The following TPRA1 variants were observed in gnomAD, a reference collection of about 807,000 sequenced individuals.
TPRA1 encodes transmembrane protein adipocyte-associated 1.
TPRA1 carries 28 observed loss-of-function variants against 40.1 expected under a neutral mutation model. That is an observed-to-expected ratio of 0.70 (90% CI 0.52 to 0.96). TPRA1 has a LOEUF of 0.96. Among genes scored for constraint, TPRA1 ranks in the 40% least tolerant of loss-of-function variants. The pLI, the probability that TPRA1 is intolerant of heterozygous loss-of-function variation, is 0.00. For missense variants in TPRA1, 441 were observed against 482.6 expected (o/e 0.91, Z 0.81); for synonymous variants, 219 against 209.7 (o/e 1.04, Z -0.38).
At chr3:127,579,165 T>G (rs2073745954) in intron 3 of TPRA1, among the ~76,000 whole-genome samples, 1 of 152,198 alleles carries the variant, frequency 6.6e-6, no homozygotes, top group Non-Finnish European at 1.5e-5. Flanking sequence ...CACCAAGTGG[T>G]GACAATGCAG....
At chr3:127,583,315 G>GAA (rs775630228) in intron 1 of TPRA1, among the ~76,000 whole-genome samples, 1 of 137,154 alleles carries the variant, frequency 7.3e-6, no homozygotes, top group Non-Finnish European at 1.6e-5. Context: ...CTCCATCTCA[G>GAA]AAAAAAAAAA....
Position 127,580,120 on chromosome 3 carries a change from C to T in TPRA1, c.27G>A (p.Trp9Ter), listed in dbSNP as rs771475085. 3 of 1,613,476 alleles carry T rather than the reference C, an allele frequency of 1.9e-6. No individual in the cohort carries two copies. The highest frequency in any genetic ancestry group is 2.5e-6 in the Non-Finnish European group (3 of 1,179,980). Reference sequence around the variant, plus strand: ...GGGGTAGCGCTGTGCTCCCATTGGCCCAAGTCACCTCCTCCAGGGTGTCCA... The same window carrying T: ...GGGGTAGCGCTGTGCTCCCATTGGCTCAAGTCACCTCCTCCAGGGTGTCCA... MDTLEEVT[W>*]ANGSTALPPP... The change falls in exon 2 of 11, where the codon TGG (tryptophan) becomes TGA (stop). Residue 9 changes from tryptophan (W) to a stop codon, truncating the protein, a stop_gained. Transcript: ENST00000355552. LOFTEE classifies it high-confidence loss of function.
rs930981408 is a variant in TPRA1 at position 127,579,779 on chromosome 3, G to A, written c.219C>T (p.Arg73=). The A allele has an allele frequency of 1.2e-6, 2 of 1,614,192 alleles. No homozygotes were observed. Among genetic ancestry groups the A allele is most frequent in the Non-Finnish European group, 1.7e-6 (2 of 1,180,036 alleles). ...WKLPSARAKI[R]ITSSPIFITF... ...TGATAAAAATGGGGCTGGAGGTGAT[G>A]CGGATCTTCGCCCGAGCAGATGGAA... is the stretch of plus-strand genomic sequence containing the variant. The change falls in exon 3 of 11, where the codon CGC becomes CGT. Residue 73 remains arginine, a synonymous_variant. Transcript: ENST00000355552.
Position 127,573,803 on chromosome 3 carries a change from A to C in TPRA1, c.855-15T>G, listed in dbSNP as rs766492655. On this transcript the variant is annotated splice_polypyrimidine_tract_variant and intron_variant, in intron 10 of 10. Coordinates refer to ENST00000355552, the MANE Select transcript of TPRA1 (RefSeq NM_001136053.4). ...TGGGCTCCGAGCTGATAAAAGGAAA[A>C]GAGGGGCATGGAAGCCTCACTGAGT... 1.2e-5 allele frequency: 19 copies of C among 1,542,598 alleles called. No individual in the cohort carries two copies. In the African/African-American group the frequency reaches 2.2e-4, roughly 18 times the overall value.
At chr3:127,574,499 C>T (rs1282698585) in intron 10 of TPRA1, among the ~76,000 whole-genome samples, 1 of 152,230 alleles carries the variant, frequency 6.6e-6, no homozygotes, top group Non-Finnish European at 1.5e-5. Flanking sequence ...AGTGTACTCA[C>T]CCCCAGAGAA....
At chr3:127,592,367 G>GTT (rs746017013), upstream of TPRA1, among the ~76,000 whole-genome samples, 824 of 88,498 alleles carry the variant, frequency 9.3e-3, 125 homozygotes, top group African/African-American at 0.016. Context: ...GCAACATGCT[G>GTT]TTTTTTTTTT....
intron 1 of TPRA1, among the ~76,000 whole-genome samples, chr3:127,585,351 T>C (rs901521121): frequency 6.6e-6 from 1 of 152,152 alleles, no homozygotes; most frequent in Admixed American, 6.5e-5. Flanking sequence ...ACCAGAAAGG[T>C]TGGCAGGGCC....
At chr3:127,577,664 C>A (rs1263814397) in intron 3 of TPRA1, among the ~76,000 whole-genome samples, 6 of 152,108 alleles carry the variant, frequency 3.9e-5, no homozygotes, top group Non-Finnish European at 8.8e-5. Flanking sequence ...GCAGGTTTCA[C>A]AAAGTGCCTG....
rs1255393432 is a variant in TPRA1, at chr3:127,576,743, C to T, written c.419-47G>A. ...GCAGGCAGGAGCCAGCCCAGGTGAC[C>T]ACTCCAGAGTCAGCCCACAGCCAGG... On this transcript the variant is annotated intron_variant, in intron 5 of 10. Coordinates refer to ENST00000355552, the MANE Select transcript of TPRA1 (RefSeq NM_001136053.4). This position sits in a 1 kb window ranked among gnomAD's most constrained non-coding sequence, Gnocchi z 4.6. 1 of 1,611,024 alleles carries T rather than the reference C, an allele frequency of 6.2e-7. No homozygotes were observed. The highest frequency in any genetic ancestry group is 1.3e-5 in the African/African-American group (1 of 74,848).
In TPRA1 at chr3:127,572,554, G is replaced by C. The variant is rs1473434329; in HGVS notation, c.*967C>G. Among the ~76,000 whole-genome samples, 2 of 152,134 alleles carry C rather than the reference G, an allele frequency of 1.3e-5. No individual in the cohort carries two copies. The highest frequency in any genetic ancestry group is 2.9e-5 in the Non-Finnish European group (2 of 68,032). On this transcript the variant is annotated 3_prime_UTR_variant, in exon 11 of 11. Coordinates refer to ENST00000355552, the MANE Select transcript of TPRA1 (RefSeq NM_001136053.4). ...ACACCCATCCTTATGACAAACATCA[G>C]TCCCCGAGTCCTGTCTGCTGGGGGC... is the stretch of plus-strand genomic sequence containing the variant.
chr3:127,573,706 C>A lies in TPRA1; in HGVS notation c.937G>T (p.Ala313Ser), dbSNP rs891603547. 1 of 1,613,116 alleles carries A rather than the reference C, an allele frequency of 6.2e-7. No homozygotes were observed. Among genetic ancestry groups the A allele is most frequent in the Non-Finnish European group, 8.5e-7 (1 of 1,179,478 alleles). Reference protein sequence around the residue: ...EPDVHLPQPYAVARREGLEAA... With the variant: ...EPDVHLPQPYSVARREGLEAA... Reference sequence around the variant, plus strand: ...TCCAGGCCCTCCCGCCGGGCCACAGCGTAGGGCTGGGGTAGGTGTACATCT... The same window carrying A: ...TCCAGGCCCTCCCGCCGGGCCACAGAGTAGGGCTGGGGTAGGTGTACATCT... The change falls in exon 11 of 11, where the codon GCT (alanine) becomes TCT (serine). Residue 313 changes from alanine to serine, a missense_variant. By Grantham distance (99) the Ala-to-Ser change is moderately conservative (BLOSUM62 1). Transcript: ENST00000355552.
At chr3:127,592,146 C>T (rs1353020121), upstream of TPRA1, among the ~76,000 whole-genome samples, 1 of 152,148 alleles carries the variant, frequency 6.6e-6, no homozygotes, top group Non-Finnish European at 1.5e-5. Flanking sequence ...TCCTCAAGTT[C>T]CTCCCAGAAA....
In TPRA1 at chr3:127,572,765, G is replaced by A. The variant is rs767627381; in HGVS notation, c.*756C>T. Among the ~76,000 whole-genome samples the A allele has an allele frequency of 7.9e-5, 12 of 152,252 alleles. No individual in the cohort carries two copies. Among genetic ancestry groups the A allele is most frequent in the Non-Finnish European group, 1.8e-4 (12 of 68,050 alleles). On this transcript the variant is annotated 3_prime_UTR_variant, in exon 11 of 11. Coordinates refer to ENST00000355552, the MANE Select transcript of TPRA1 (RefSeq NM_001136053.4). The stretch of plus-strand genomic sequence containing the variant: ...TTCTGCGTTTTAATGGAGCTGAGCA[G>A]AGAGAACCGGCTGCCCAAGACAACA...
At chr3:127,575,053 C>CATGT (rs1402281984) in intron 10 of TPRA1, 132 bp downstream of exon 10, 7 of 938,272 alleles carry the variant, frequency 7.5e-6, no homozygotes, top group Middle Eastern at 5.2e-4. Flanking sequence ...TGCCCAAGTG[C>CATGT]ATGTATGTAT....
chr3:127,575,081 CTGTAT>C, intron 10 of TPRA1, 99 bp downstream of exon 10: 1 of 1,258,522 alleles, frequency 7.9e-7, no homozygotes, highest in Non-Finnish European at 1.1e-6. Context: ...CGCATGCGCA[CTGTAT>C]GCATACACAG....
chr3:127,590,816 T>TG (rs144289662), upstream of TPRA1: 7,920 of 139,220 alleles, frequency 0.057, 670 homozygotes, highest in African/African-American at 0.19. Context: ...AAGTCATCAC[T>TG]GGGGGAAAAA....
At chr3:127,583,973 C>A (rs182882278) in intron 1 of TPRA1, among the ~76,000 whole-genome samples, 3 of 151,906 alleles carry the variant, frequency 2.0e-5, no homozygotes, top group Non-Finnish European at 4.4e-5. Flanking sequence ...CCAGCCCACA[C>A]GTGCTTTTAT....
chr3:127,597,097 CAG>C (rs2074251449), intron 1 of TPRA1, among the ~76,000 whole-genome samples: 2 of 150,970 alleles, frequency 1.3e-5, no homozygotes, highest in South Asian at 4.2e-4. Flanking sequence ...GCCTGGGTGA[CAG>C]AGTGACTCTG....
rs773646694 is a variant in TPRA1, at chr3:127,576,879, G to C, written c.360C>G (p.Ile120Met). The change falls in exon 5 of 11, where the codon ATC becomes ATG. Residue 120 changes from isoleucine to methionine, a missense_variant. Physicochemically the swap from Ile to Met is conservative, Grantham distance 10. Coordinates refer to ENST00000355552, the MANE Select transcript of TPRA1 (RefSeq NM_001136053.4). The surrounding 1 kb of genome is among the most constrained non-coding windows in gnomAD (Gnocchi z 4.6). ...ATVADKILWE[I>M]TRFFLLAIEL... ...CGATGGCCAGCAGGAAGAAGCGGGTGATCTCCCACAGGATCTGCACGCAGA... is the reference window on the plus strand; with the variant it reads ...CGATGGCCAGCAGGAAGAAGCGGGTCATCTCCCACAGGATCTGCACGCAGA... 1.2e-6 allele frequency: 2 copies of C among 1,613,754 alleles called. No homozygotes were observed. The highest frequency in any genetic ancestry group is 2.7e-5 in the African/African-American group (2 of 74,938).
Sources: allele counts gnomAD v4.1 joint callset (sites outside exome capture counted in the v4.1 genomes callset), GRCh38; gene constraint gnomAD v4.1.1; non-coding constraint Gnocchi (gnomAD v3.1); transcripts MANE v1.5; gene names NCBI Gene and HGNC (gene_info 2026-07-23, HGNC 2026-07-21).